The following NET1 variants were observed in gnomAD, a reference collection of about 807,000 sequenced individuals.
NET1 encodes neuroepithelial cell transforming 1.
A neutral mutation model predicts 61.1 loss-of-function variants in NET1; 42 were observed. The ratio of observed to expected loss-of-function variants is 0.69; its 90% CI spans 0.54 to 0.89. The LOEUF (loss-of-function observed/expected upper bound fraction) is 0.89, where lower values mean the gene tolerates loss of function less well. Ranked by LOEUF, NET1 falls within the 40% of genes least tolerant of loss-of-function variation. NET1 has a pLI of 0.00. For missense variants in NET1, 654 were observed against 747.3 expected (o/e 0.88, Z 1.46); for synonymous variants, 254 against 281.8 (o/e 0.90, Z 0.99).
intron 2 of NET1, among the ~76,000 whole-genome samples, chr10:5,428,784 G>A (rs1031182987): frequency 6.6e-5 from 10 of 150,560 alleles, no homozygotes; most frequent in Non-Finnish European, 8.9e-5. Flanking sequence ...GTGCAGTGGC[G>A]CAATCTCGGC....
At position 5,437,718 on chromosome 10, in the gene NET1, T is replaced by C. The variant is rs1832459736; in HGVS notation, c.255+8489T>C. On this transcript the variant is annotated intron_variant, in intron 3 of 11. Coordinates refer to ENST00000355029, the MANE Select transcript of NET1 (RefSeq NM_001047160.3). This position sits in a 1 kb window ranked among gnomAD's most constrained non-coding sequence, Gnocchi z 4.3. Reference sequence around the variant, plus strand: ...GATAGATAACCTGACAGGAAATCAATAAGGAAGTAGAAGACTTAAACAGCA... The same window carrying C: ...GATAGATAACCTGACAGGAAATCAACAAGGAAGTAGAAGACTTAAACAGCA... 6.6e-6 allele frequency among the ~76,000 whole-genome samples: 1 copy of C among 151,814 alleles called. No individual in the cohort carries two copies. The highest frequency in any genetic ancestry group is 6.6e-5 in the Admixed American group (1 of 15,222).
intron 3 of NET1, among the ~76,000 whole-genome samples, chr10:5,445,958 G>A (rs1832600678): frequency 6.6e-6 from 1 of 152,020 alleles, no homozygotes; most frequent in Non-Finnish European, 1.5e-5. Context: ...AAAATATCTA[G>A]TACACAGATA....
chr10:5,452,465 A>G lies in NET1; in HGVS notation c.471A>G (p.Ser157=). The change falls in exon 5 of 12, where the codon TCA becomes TCG. Residue 157 remains serine, a synonymous_variant. Transcript: ENST00000355029. This position sits in a 1 kb window ranked among gnomAD's most constrained non-coding sequence, Gnocchi z 4.0. ...AGAGAAGGAGCAGTGCACTGTGGTCAGAGATGCTGGACATCACCATGAAGG... is the reference window on the plus strand; with the variant it reads ...AGAGAAGGAGCAGTGCACTGTGGTCGGAGATGCTGGACATCACCATGAAGG... The part of the protein sequence containing the change: ...PAKRRSSALW[S]EMLDITMKES... 1 of 1,614,176 alleles carries G rather than the reference A, an allele frequency of 6.2e-7. No individual in the cohort carries two copies.
Position 5,451,053 on chromosome 10 carries a change from T to G in NET1, c.256-777T>G, listed in dbSNP as rs1832694475. Among the ~76,000 whole-genome samples the G allele has an allele frequency of 6.6e-6, 1 of 152,196 alleles. No homozygotes were observed. The highest frequency in any genetic ancestry group is 2.1e-4 in the South Asian group (1 of 4,826). ...ATTCCTAAAATCTGTTAGTAATAGC[T>G]CAAACTGAGTATGTGCCAGGCACTG... On this transcript the variant is annotated intron_variant, in intron 3 of 11. Coordinates refer to ENST00000355029, the MANE Select transcript of NET1 (RefSeq NM_001047160.3). The surrounding 1 kb of genome is among the most constrained non-coding windows in gnomAD (Gnocchi z 6.1).
chr10:5,446,791 G>A lies in NET1; in HGVS notation c.256-5039G>A. The A allele has an allele frequency of 6.2e-7, 1 of 1,609,964 alleles. No homozygotes were observed. Among genetic ancestry groups the A allele is most frequent in the Non-Finnish European group, 8.5e-7 (1 of 1,177,734 alleles). On this transcript the variant is annotated intron_variant, in intron 3 of 11. Coordinates refer to ENST00000355029, the MANE Select transcript of NET1 (RefSeq NM_001047160.3). This position sits in a 1 kb window ranked among gnomAD's most constrained non-coding sequence, Gnocchi z 5.0. ...ATGGTGGCACATGATGAGACTGGAG[G>A]TCTCCTACCTATTAAAAGGACCATA...
In NET1 at chr10:5,451,773, T is replaced by G. The variant is rs946120215; in HGVS notation, c.256-57T>G. On this transcript the variant is annotated intron_variant, in intron 3 of 11. Transcript: ENST00000355029. The surrounding 1 kb of genome is among the most constrained non-coding windows in gnomAD (Gnocchi z 6.1). Reference sequence around the variant, plus strand: ...GAGAGGGCTTTACTTTGTCCAAGTTTGTATGAAATCATTGCACCTAGACAT... The same window carrying G: ...GAGAGGGCTTTACTTTGTCCAAGTTGGTATGAAATCATTGCACCTAGACAT... 5 of 1,374,278 alleles carry G rather than the reference T, an allele frequency of 3.6e-6. No homozygotes were observed. The African/African-American group carries it at 4.3e-5, about 12-fold the overall frequency. The allele number at this position is 1,374,278 out of a possible 1,614,324, so 85.1% of individuals were successfully genotyped here.
intron 2 of NET1, 141 bp from the exon 3 acceptor site, chr10:5,429,029 T>G: frequency 1.8e-6 from 1 of 543,590 alleles, no homozygotes; most frequent in East Asian, 3.2e-5. Flanking sequence ...CCACCGCGCC[T>G]GGCCTCAAAG....
At position 5,446,186 on chromosome 10, in the gene NET1, T is replaced by C. The variant is rs1277877858; in HGVS notation, c.256-5644T>C. On this transcript the variant is annotated intron_variant, in intron 3 of 11. Coordinates refer to ENST00000355029, the MANE Select transcript of NET1 (RefSeq NM_001047160.3). This position sits in a 1 kb window ranked among gnomAD's most constrained non-coding sequence, Gnocchi z 5.0. ...TCTATTTTATAATTGTGAATATGCT[T>C]GCACTTCTGTAAAATAAAAGCAGGT... is the stretch of plus-strand genomic sequence containing the variant. 6.6e-6 allele frequency among the ~76,000 whole-genome samples: 1 copy of C among 152,230 alleles called. No individual in the cohort carries two copies. The highest frequency in any genetic ancestry group is 1.5e-5 in the Non-Finnish European group (1 of 68,054).
In NET1 at chr10:5,418,170, A is replaced by G. The variant is rs79697856; in HGVS notation, c.128+5350A>G. ...ATTGGGATAATACTGGCCTCATAAA[A>G]TCAGTTAAGAAGTATTCCCTACTGT... On this transcript the variant is annotated intron_variant, in intron 1 of 11. Transcript: ENST00000355029. Among the ~76,000 whole-genome samples the G allele has an allele frequency of 2.4e-4, 36 of 152,260 alleles. No homozygotes were observed. In the East Asian group the frequency reaches 4.2e-3, roughly 18 times the overall value.
At chr10:5,428,889 AT>A (rs71388434) in intron 2 of NET1, among the ~76,000 whole-genome samples, 48 of 140,138 alleles carry the variant, frequency 3.4e-4, no homozygotes, top group African/African-American at 6.9e-4. Context: ...CGCGCAGCTA[AT>A]TTTTTTTTTT....
At position 5,422,675 on chromosome 10, in the gene NET1, C is replaced by G. The variant is rs1483912097; in HGVS notation, c.129-3980C>G. 1.3e-5 allele frequency among the ~76,000 whole-genome samples: 2 copies of G among 152,024 alleles called. No individual in the cohort carries two copies. The highest frequency in any genetic ancestry group is 1.3e-4 in the Admixed American group (2 of 15,254). ...TCAACTGTGTTCTAGACAAGATATT[C>G]CAAGATGTATGTATTAGTTGAGACT... is the stretch of plus-strand genomic sequence containing the variant. On this transcript the variant is annotated intron_variant, in intron 1 of 11. Transcript: ENST00000355029. The surrounding 1 kb of genome is among the most constrained non-coding windows in gnomAD (Gnocchi z 4.1).
chr10:5,427,344 A>T lies in NET1; in HGVS notation c.195+623A>T, dbSNP rs1406796320. On this transcript the variant is annotated intron_variant, in intron 2 of 11. Coordinates refer to ENST00000355029, the MANE Select transcript of NET1 (RefSeq NM_001047160.3). The surrounding 1 kb of genome is among the most constrained non-coding windows in gnomAD (Gnocchi z 4.1). ...CAAAAGTGATTCAAAATATAATTTCATATAAATGCATAAGTATGATCATAT... is the reference window on the plus strand; with the variant it reads ...CAAAAGTGATTCAAAATATAATTTCTTATAAATGCATAAGTATGATCATAT... 6.6e-6 allele frequency among the ~76,000 whole-genome samples: 1 copy of T among 152,200 alleles called. No homozygotes were observed. The highest frequency in any genetic ancestry group is 1.5e-5 in the Non-Finnish European group (1 of 68,000).
intron 1 of NET1, among the ~76,000 whole-genome samples, chr10:5,425,820 A>C (rs1450485234): frequency 6.6e-6 from 1 of 152,222 alleles, no homozygotes; most frequent in Non-Finnish European, 1.5e-5. Flanking sequence ...TTATTTCCAC[A>C]AGGAAAAAAA....
chr10:5,436,242 A>T (rs1832434368), intron 3 of NET1, among the ~76,000 whole-genome samples: 1 of 23,488 alleles, frequency 4.3e-5, no homozygotes, highest in African/African-American at 1.3e-4. Context: ...ATATATATAT[A>T]TATATATTTT....
chr10:5,417,290 C>G lies in NET1; in HGVS notation c.128+4470C>G, dbSNP rs1832099672. 6.6e-6 allele frequency among the ~76,000 whole-genome samples: 1 copy of G among 151,872 alleles called. No homozygotes were observed. The highest frequency in any genetic ancestry group is 2.1e-4 in the South Asian group (1 of 4,748). On this transcript the variant is annotated intron_variant, in intron 1 of 11. Transcript: ENST00000355029. The surrounding 1 kb of genome is among the most constrained non-coding windows in gnomAD (Gnocchi z 5.5). Reference sequence around the variant, plus strand: ...AGGTGGGGGCGTGCTTTTATAGGCACAGGATGGGGGTGTGGTGAGCCAGGG... The same window carrying G: ...AGGTGGGGGCGTGCTTTTATAGGCAGAGGATGGGGGTGTGGTGAGCCAGGG...
intron 3 of NET1, among the ~76,000 whole-genome samples, chr10:5,433,243 C>A (rs568665529): frequency 1.3e-5 from 2 of 152,268 alleles, no homozygotes; most frequent in African/African-American, 4.8e-5. Flanking sequence ...TGAGTCCTTT[C>A]TAGTTTTTTT....
At chr10:5,430,940 C>T (rs1832340694) in intron 3 of NET1, among the ~76,000 whole-genome samples, 1 of 148,690 alleles carries the variant, frequency 6.7e-6, no homozygotes, top group African/African-American at 2.5e-5. Flanking sequence ...GGCGCGATCT[C>T]TGCTCACTGC....
chr10:5,415,474 C>T lies in NET1; in HGVS notation c.128+2654C>T, dbSNP rs1832065440. ...TTTTCTTTTGAGACGGAGTCTCAGT[C>T]TGTCACCGGGGCTGGAGTACAGTGG... On this transcript the variant is annotated intron_variant, in intron 1 of 11. Transcript: ENST00000355029. This position sits in a 1 kb window ranked among gnomAD's most constrained non-coding sequence, Gnocchi z 4.7. Among the ~76,000 whole-genome samples, 2 of 147,868 alleles carry T rather than the reference C, an allele frequency of 1.4e-5. No individual in the cohort carries two copies. Among genetic ancestry groups the T allele is most frequent in the South Asian group, 2.1e-4 (1 of 4,710 alleles).
chr10:5,425,449 A>G (rs1832244925), intron 1 of NET1, among the ~76,000 whole-genome samples: 1 of 152,244 alleles, frequency 6.6e-6, no homozygotes, highest in African/African-American at 2.4e-5. Flanking sequence ...ATGACTTCAC[A>G]GTCCAAGAAG....
Sources: allele counts gnomAD v4.1 joint callset (sites outside exome capture counted in the v4.1 genomes callset), GRCh38; gene constraint gnomAD v4.1.1; non-coding constraint Gnocchi (gnomAD v3.1); transcripts MANE v1.5; gene names NCBI Gene and HGNC (gene_info 2026-07-23, HGNC 2026-07-21).